Variants in MUC7 observed in about 807,000 individuals in gnomAD.
MUC7 encodes mucin 7, secreted.
A neutral mutation model predicts 2.5 loss-of-function variants in MUC7; 2 were observed. The ratio of observed to expected loss-of-function variants is 0.81; its 90% CI spans 0.33 to 2.55. MUC7 has a LOEUF of 2.55. Among genes scored for constraint, MUC7 ranks in the 30% most tolerant of loss-of-function variants. MUC7 has a pLI of 0.11. For synonymous variants in MUC7, 133 were observed against 173.4 expected (o/e 0.77, Z 1.83); for missense variants, 408 against 455.6 (o/e 0.90, Z 0.95).
At chr4:70,477,186 G>A (rs1158649353) in intron 2 of MUC7, among the ~76,000 whole-genome samples, 1 of 151,878 alleles carries the variant, frequency 6.6e-6, no homozygotes, top group East Asian at 1.9e-4. Context: ...GCGGCGGGAA[G>A]ATCACCTGAG....
At chr4:70,471,015 T>C (rs925736900), upstream of MUC7, among the ~76,000 whole-genome samples, 8 of 152,172 alleles carry the variant, frequency 5.3e-5, no homozygotes, top group Non-Finnish European at 1.5e-5. Flanking sequence ...AAAAATTACA[T>C]GGCTACTAAG....
At chr4:70,469,922 G>T (rs1207122545), upstream of MUC7, among the ~76,000 whole-genome samples, 3 of 152,090 alleles carry the variant, frequency 2.0e-5, no homozygotes, top group African/African-American at 7.2e-5. Context: ...ATACCCAAAG[G>T]ATTATAAATC....
chr4:70,442,755 A>C (rs182392826), intron 1 of MUC7, among the ~76,000 whole-genome samples: 53 of 152,334 alleles, frequency 3.5e-4, no homozygotes, highest in Admixed American at 5.9e-4. Context: ...GCCATCTTAT[A>C]TGTGCTTAAT....
chr4:70,476,938 T>C (rs967470709), intron 2 of MUC7, among the ~76,000 whole-genome samples: 1 of 152,200 alleles, frequency 6.6e-6, no homozygotes, highest in Non-Finnish European at 1.5e-5. Context: ...CTTCCAGATG[T>C]CCCAAAGAAA....
intron 1 of MUC7, among the ~76,000 whole-genome samples, chr4:70,451,766 G>A (rs190049113): frequency 4.5e-4 from 68 of 152,220 alleles, no homozygotes; most frequent in South Asian, 1.2e-3. Context: ...CTGTAAATAT[G>A]TATTAGGTCT....
intron 1 of MUC7, among the ~76,000 whole-genome samples, chr4:70,445,421 G>T (rs959770434): frequency 6.6e-6 from 1 of 152,152 alleles, no homozygotes; most frequent in African/African-American, 2.4e-5. Flanking sequence ...TTATGAGTCT[G>T]CCATAGAAGA....
chr4:70,434,709 C>A (rs1048933299), intron 1 of MUC7, among the ~76,000 whole-genome samples: 1 of 152,096 alleles, frequency 6.6e-6, no homozygotes, highest in Non-Finnish European at 1.5e-5. Flanking sequence ...GTCTCTACCC[C>A]CTTCAGTTCT....
At chr4:70,478,500 T>G (rs2109746412) in intron 2 of MUC7, among the ~76,000 whole-genome samples, 1 of 152,328 alleles carries the variant, frequency 6.6e-6, no homozygotes, top group East Asian at 1.9e-4. Flanking sequence ...TATAAATGAA[T>G]AAGCCGACAT....
chr4:70,453,247 A>G (rs2109717330), intron 1 of MUC7, among the ~76,000 whole-genome samples: 1 of 152,330 alleles, frequency 6.6e-6, no homozygotes, highest in East Asian at 1.9e-4. Context: ...AGGTGGGTCC[A>G]GAGCTGTAGT....
intron 1 of MUC7, among the ~76,000 whole-genome samples, chr4:70,466,646 A>T (rs1734691515): frequency 6.6e-6 from 1 of 152,230 alleles, no homozygotes; most frequent in Non-Finnish European, 1.5e-5. Flanking sequence ...AAACCAACAA[A>T]GATCAAAAAA....
chr4:70,480,115 A>G (rs1019150457), intron 2 of MUC7, among the ~76,000 whole-genome samples: 1 of 152,248 alleles, frequency 6.6e-6, no homozygotes, highest in Non-Finnish European at 1.5e-5. Flanking sequence ...TGCTCTATCC[A>G]GACAAAATGC....
At chr4:70,458,984 T>C (rs28651231) in intron 1 of MUC7, among the ~76,000 whole-genome samples, 223 of 152,212 alleles carry the variant, frequency 1.5e-3, no homozygotes, top group African/African-American at 5.3e-3. Context: ...CTAGACAATA[T>C]AAAAGTCATA....
intron 1 of MUC7, among the ~76,000 whole-genome samples, chr4:70,433,239 A>T (rs1175779913): frequency 2.6e-5 from 4 of 152,140 alleles, no homozygotes; most frequent in Non-Finnish European, 5.9e-5. Flanking sequence ...TATGAAATTT[A>T]AAGTAGTTTT....
upstream of MUC7, among the ~76,000 whole-genome samples, chr4:70,470,495 G>T (rs185342594): frequency 5.0e-4 from 76 of 152,192 alleles, 1 homozygote; most frequent in Admixed American, 4.6e-3. Context: ...AATATGTCCA[G>T]ATATTCTTAT....
intron 1 of MUC7, among the ~76,000 whole-genome samples, chr4:70,449,960 C>T (rs1734240282): frequency 6.6e-6 from 1 of 152,212 alleles, no homozygotes; most frequent in African/African-American, 2.4e-5. Context: ...TGGCTACTGC[C>T]TCTGTTCACT....
chr4:70,433,953 G>A (rs183799949), intron 1 of MUC7, among the ~76,000 whole-genome samples: 7 of 152,148 alleles, frequency 4.6e-5, no homozygotes, highest in African/African-American at 9.6e-5. Context: ...GAATTTTGTC[G>A]AAGGCCTTTT....
chr4:70,432,638 T>G (rs1733707462), intron 1 of MUC7, among the ~76,000 whole-genome samples: 1 of 152,208 alleles, frequency 6.6e-6, no homozygotes. Flanking sequence ...TTCTTGATAT[T>G]AGCCCTTTAG....
intron 1 of MUC7, among the ~76,000 whole-genome samples, chr4:70,454,861 T>C (rs933535795): frequency 6.6e-6 from 1 of 152,216 alleles, no homozygotes; most frequent in African/African-American, 2.4e-5. Flanking sequence ...TGGTTGTATA[T>C]ATTTGAAATT....
chr4:70,474,188 C>T (rs1179032155), intron 2 of MUC7, 113 bp downstream of exon 2: 10 of 843,260 alleles, frequency 1.2e-5, no homozygotes, highest in African/African-American at 6.8e-5. Context: ...AGAAGCTTGA[C>T]ATCTTTTATT....
Sources: allele counts gnomAD v4.1 joint callset (sites outside exome capture counted in the v4.1 genomes callset), GRCh38; gene constraint gnomAD v4.1.1; transcripts MANE v1.5; gene names NCBI Gene and HGNC (gene_info 2026-07-23, HGNC 2026-07-21).